KAT7: variants seen among roughly 807,000 people sequenced by gnomAD.
The protein encoded by KAT7 is histone acetyltransferase KAT7.
In KAT7, 10 loss-of-function variants were observed where a neutral mutation model predicts 82.1. The observed-to-expected ratio is 0.12, with a 90% CI of 0.08 to 0.21. The LOEUF (loss-of-function observed/expected upper bound fraction) is 0.21, where lower values mean the gene tolerates loss of function less well. Ranked by LOEUF, KAT7 falls within the 10% of genes least tolerant of loss-of-function variation. KAT7 has a pLI of 1.00. For missense variants in KAT7, 378 were observed against 760.9 expected (o/e 0.50, Z 5.92); for synonymous variants, 250 against 262.5 (o/e 0.95, Z 0.46).
At chr17:49,801,589 A>C (rs561197210) in intron 4 of KAT7, among the ~76,000 whole-genome samples, 1 of 152,228 alleles carries the variant, frequency 6.6e-6, no homozygotes, top group Non-Finnish European at 1.5e-5. Context: ...TCCCAGGCTT[A>C]ATTGATCCTC....
chr17:49,823,797 G>C (rs987483858), intron 12 of KAT7, among the ~76,000 whole-genome samples: 5 of 152,200 alleles, frequency 3.3e-5, no homozygotes, highest in African/African-American at 1.2e-4. Context: ...AACATGCACA[G>C]AGCAGCAAAA....
intron 12 of KAT7, chr17:49,823,504 T>C (rs571595092): frequency 4.8e-5 from 24 of 497,634 alleles, no homozygotes; most frequent in Middle Eastern, 5.6e-4. Flanking sequence ...TCCTCCTTAA[T>C]GAGTAGGAGG....
In KAT7 at chr17:49,805,472, C is replaced by A. The variant is rs192399253; in HGVS notation, c.663+27C>A. On this transcript the variant is annotated intron_variant, in intron 5 of 14. Coordinates refer to ENST00000259021, the MANE Select transcript of KAT7 (RefSeq NM_007067.5). ...TAATTGTGCTCTCATTTATTCAACA[C>A]ATGCTTATTGAGTGCTTACCGTTTG... is the stretch of plus-strand genomic sequence containing the variant. The A allele has an allele frequency of 8.5e-6, 13 of 1,530,556 alleles. No homozygotes were observed. The African/African-American group carries it at 1.8e-4, about 21-fold the overall frequency. 94.8% of individuals were successfully genotyped at this position (1,530,556 alleles called of 1,614,324 possible). A position where few individuals can be genotyped will look rare whatever the true frequency, so the allele number is the denominator to read the frequency against.
At position 49,827,567 on chromosome 17, in the gene KAT7, G is replaced by A; in HGVS notation, c.*65G>A. On this transcript the variant is annotated 3_prime_UTR_variant, in exon 15 of 15. Coordinates refer to ENST00000259021, the MANE Select transcript of KAT7 (RefSeq NM_007067.5). ...GAATCCGTACCCTAGGGATCTGTCTGTCATTTCTCTGTTGCTCTTGTGATT... is the reference window on the plus strand; with the variant it reads ...GAATCCGTACCCTAGGGATCTGTCTATCATTTCTCTGTTGCTCTTGTGATT... The A allele has an allele frequency of 1.1e-6, 1 of 941,160 alleles. No homozygotes were observed. The highest frequency in any genetic ancestry group is 1.7e-6 in the Non-Finnish European group (1 of 576,746). The allele number at this position is 941,160 out of a possible 1,614,324, so 58.3% of individuals were successfully genotyped here. A position where few individuals can be genotyped will look rare whatever the true frequency, so the allele number is the denominator to read the frequency against.
At chr17:49,796,995 TGG>T in intron 3 of KAT7, 69 bp downstream of exon 3, 1 of 1,321,998 alleles carries the variant, frequency 7.6e-7, no homozygotes, top group African/African-American at 1.5e-5. Context: ...AAGGAGGGCT[TGG>T]GGCCACTGCA....
rs766574821 is a variant in KAT7 at position 49,828,972 on chromosome 17, A to C, written c.*1470A>C. ...CAGTGTCACTGTTAAAATTTATCAA[A>C]AAGCAACTTCACTAGGGGTTTTCTT... On this transcript the variant is annotated 3_prime_UTR_variant, in exon 15 of 15. Coordinates refer to ENST00000259021, the MANE Select transcript of KAT7 (RefSeq NM_007067.5). The C allele has an allele frequency of 3.9e-5, 6 of 152,802 alleles. No homozygotes were observed. The highest frequency in any genetic ancestry group is 7.3e-5 in the Non-Finnish European group (5 of 68,038). 9.5% of individuals were successfully genotyped at this position (152,802 alleles called of 1,614,324 possible). A position where few individuals can be genotyped will look rare whatever the true frequency, so the allele number is the denominator to read the frequency against.
intron 6 of KAT7, among the ~76,000 whole-genome samples, chr17:49,811,170 A>G (rs2074159591): frequency 6.7e-6 from 1 of 149,252 alleles, no homozygotes; most frequent in Non-Finnish European, 1.5e-5. Context: ...GTGCAGTGGC[A>G]TGACTGGCTC....
intron 2 of KAT7, chr17:49,795,818 A>G (rs1377225142): frequency 4.7e-6 from 1 of 213,282 alleles, no homozygotes; most frequent in Non-Finnish European, 1.0e-5. Context: ...TTTGCAAAGA[A>G]TAGTTGCAAT....
At chr17:49,807,670 G>A (rs935434565) in intron 5 of KAT7, among the ~76,000 whole-genome samples, 8 of 152,192 alleles carry the variant, frequency 5.3e-5, no homozygotes, top group African/African-American at 1.9e-4. Flanking sequence ...AGTTGATGCA[G>A]GGTATAGGGT....
rs2144023274 is a variant in KAT7, at chr17:49,834,154, T to C, written c.*6652T>C. On this transcript the variant is annotated 3_prime_UTR_variant, in exon 15 of 15. Coordinates refer to ENST00000259021, the MANE Select transcript of KAT7 (RefSeq NM_007067.5). ...TGTATGTATGTATGTATTTATTGAT[T>C]GATCGATTTATGAGACAGGGTCTCC... The C allele has an allele frequency of 6.6e-6, 1 of 152,352 alleles. No homozygotes were observed. The highest frequency in any genetic ancestry group is 1.9e-4 in the East Asian group (1 of 5,188). The allele number at this position is 152,352 out of a possible 1,614,324, so 9.4% of individuals were successfully genotyped here.
At chr17:49,825,669 T>A (rs1344082684) in intron 12 of KAT7, among the ~76,000 whole-genome samples, 2 of 152,252 alleles carry the variant, frequency 1.3e-5, no homozygotes, top group Non-Finnish European at 2.9e-5. Context: ...TAAGTTAAAC[T>A]GTAGCATAGA....
Position 49,796,836 on chromosome 17 carries a change from C to A in KAT7, c.250C>A (p.Pro84Thr). 3 of 1,614,074 alleles carry A rather than the reference C, an allele frequency of 1.9e-6. No homozygotes were observed. The highest frequency in any genetic ancestry group is 2.5e-6 in the Non-Finnish European group (3 of 1,179,942). The change falls in exon 3 of 15, where the codon CCT becomes ACT. Residue 84 changes from proline (P) to threonine (T), a missense_variant. By Grantham distance (38) the Pro-to-Thr change is conservative. Around this residue, in one of 6 missense-constraint regions of KAT7, gnomAD observed 161 missense variants for 229.6 expected, o/e 0.70. Transcript: ENST00000259021. ...TRRVTRSQQQ[P>T]TPVTPKKYPL... ...AAGAGTGACCCGTAGTCAGCAGCAG[C>A]CTACCCCAGTGACACCGAAAAAATA... is the stretch of plus-strand genomic sequence containing the variant.
At position 49,788,789 on chromosome 17, in the gene KAT7, T is replaced by A; in HGVS notation, c.-46T>A. On this transcript the variant is annotated 5_prime_UTR_variant, in exon 1 of 15. Transcript: ENST00000259021. ...CCGCCGGAGCCACCGTTCCTGCTGC[T>A]GCCGCCGCTGCCCGAATCGGAACCG... 6.4e-7 allele frequency: 1 copy of A among 1,563,894 alleles called. No homozygotes were observed. The highest frequency in any genetic ancestry group is 8.7e-7 in the Non-Finnish European group (1 of 1,154,704).
At chr17:49,812,234 C>CTTTT (rs35069050) in intron 7 of KAT7, among the ~76,000 whole-genome samples, 39 of 119,118 alleles carry the variant, frequency 3.3e-4, no homozygotes, top group Non-Finnish European at 3.9e-4. Context: ...GCTTAAAAAT[C>CTTTT]TTTTTTTTTT....
At chr17:49,791,738 G>T in intron 1 of KAT7, 148 bp from the exon 2 acceptor site, 1 of 707,930 alleles carries the variant, frequency 1.4e-6, no homozygotes, top group East Asian at 2.5e-5. Flanking sequence ...GTTGCCTGAG[G>T]GGGTGGGAGG....
At chr17:49,794,885 A>G (rs977600463) in intron 2 of KAT7, among the ~76,000 whole-genome samples, 16 of 152,176 alleles carry the variant, frequency 1.1e-4, no homozygotes, top group African/African-American at 3.9e-4. Flanking sequence ...GGTAGATCAT[A>G]TTGTGAAAGG....
intron 11 of KAT7, among the ~76,000 whole-genome samples, chr17:49,822,599 C>A (rs538111356): frequency 9.2e-5 from 14 of 152,214 alleles, no homozygotes; most frequent in African/African-American, 3.1e-4. Flanking sequence ...ACCATAAATT[C>A]ACGCACTGAA....
chr17:49,806,245 A>T (rs954837569), intron 5 of KAT7, among the ~76,000 whole-genome samples: 1 of 152,172 alleles, frequency 6.6e-6, no homozygotes, highest in Non-Finnish European at 1.5e-5. Context: ...TTGTGAGGAA[A>T]ATTAGATTCC....
rs2074417147 is a variant in KAT7 at position 49,830,534 on chromosome 17, C to T, written c.*3032C>T. 6.6e-6 allele frequency: 1 copy of T among 152,172 alleles called. No homozygotes were observed. The highest frequency in any genetic ancestry group is 1.5e-5 in the Non-Finnish European group (1 of 68,040). 9.4% of individuals were successfully genotyped at this position (152,172 alleles called of 1,614,324 possible). On this transcript the variant is annotated 3_prime_UTR_variant, in exon 15 of 15. Transcript: ENST00000259021. ...TAACAGAAGCTTAGCTGCTTAAGCTCCTTTATTAGAAGAGCAAAAGTCTGA... is the reference window on the plus strand; with the variant it reads ...TAACAGAAGCTTAGCTGCTTAAGCTTCTTTATTAGAAGAGCAAAAGTCTGA...
Sources: allele counts gnomAD v4.1 joint callset (sites outside exome capture counted in the v4.1 genomes callset), GRCh38; gene constraint gnomAD v4.1.1; regional missense constraint gnomAD v4.1.1; transcripts MANE v1.5; gene names NCBI Gene and HGNC (gene_info 2026-07-23, HGNC 2026-07-21).